PTPN4: variants seen among roughly 807,000 people sequenced by gnomAD.
PTPN4 encodes protein tyrosine phosphatase non-receptor type 4, also known as tyrosine-protein phosphatase non-receptor type 4.
In PTPN4, 49 loss-of-function variants were observed where a neutral mutation model predicts 135.5. The observed-to-expected ratio is 0.36, with a 90% confidence interval of 0.29 to 0.46. PTPN4 has a LOEUF of 0.46. Among genes scored for constraint, PTPN4 ranks in the 20% least tolerant of loss-of-function variants. The pLI, the probability that PTPN4 is intolerant of heterozygous loss-of-function variation, is 1.00. For synonymous variants in PTPN4, 333 were observed against 369.9 expected, an observed-to-expected ratio of 0.90 and a Z score of 1.14; for missense variants, 860 against 1,101.0, an observed-to-expected ratio of 0.78 and a Z score of 3.10.
chr2:119,762,571 G>A (rs1431922570), intron 1 of PTPN4, among the ~76,000 whole-genome samples: 2 of 151,998 alleles, frequency 1.3e-5, no homozygotes, highest in African/African-American at 4.8e-5. Context: ...ATTGCAAGGA[G>A]GTTTGTTATT....
In PTPN4 at chr2:119,935,797, A is replaced by G. The variant is rs143944984; in HGVS notation, c.1355+839A>G. 7.3e-3 allele frequency among the ~76,000 whole-genome samples: 1,119 copies of G among 152,296 alleles called. 13 individuals carry two copies. Among genetic ancestry groups the G allele is most frequent in the African/African-American group, 0.025 (1,056 of 41,564 alleles). On this transcript the variant is annotated intron_variant, in intron 15 of 26. Transcript: ENST00000263708. ...TTTGAAAACTTTAAAAAGTATAGTA[A>G]TTAAGGACATGATTGAAATATTGAT... is the stretch of plus-strand genomic sequence containing the variant.
intron 26 of PTPN4, among the ~76,000 whole-genome samples, chr2:119,976,142 C>T (rs1679614047): frequency 1.3e-5 from 2 of 151,526 alleles, no homozygotes; most frequent in Admixed American, 1.3e-4. Flanking sequence ...ACTACAGGCA[C>T]CCACTACCAC....
chr2:119,877,644 G>A, intron 5 of PTPN4, 102 bp downstream of exon 5: 1 of 1,381,224 alleles, frequency 7.2e-7, no homozygotes, highest in Non-Finnish European at 9.7e-7. Context: ...GTAATTCTGA[G>A]CTTTCCAGTC....
intron 2 of PTPN4, among the ~76,000 whole-genome samples, chr2:119,851,333 C>G (rs1677587960): frequency 2.0e-5 from 3 of 152,062 alleles, no homozygotes; most frequent in African/African-American, 7.2e-5. Context: ...GAGACTGAGG[C>G]AAGTTTCAGC....
intron 13 of PTPN4, among the ~76,000 whole-genome samples, chr2:119,929,952 A>G (rs569532951): frequency 3.3e-5 from 5 of 152,150 alleles, no homozygotes; most frequent in Non-Finnish European, 7.4e-5. Context: ...GTAGTTTAAT[A>G]TTTGAGGAAA....
rs1189148345 is a variant in PTPN4, at chr2:119,984,185, G to A, written c.*7115G>A. On this transcript the variant is annotated 3_prime_UTR_variant, in exon 27 of 27. Transcript: ENST00000263708. ...GAAAAGCTACTCCTTATTCTCTACA[G>A]TGTAGGCTTAATTTTAGAACCGATA... is the stretch of plus-strand genomic sequence containing the variant. 6.6e-6 allele frequency among the ~76,000 whole-genome samples: 1 copy of A among 152,140 alleles called. No homozygotes were observed. The highest frequency in any genetic ancestry group is 1.5e-5 in the Non-Finnish European group (1 of 68,032).
intron 10 of PTPN4, among the ~76,000 whole-genome samples, chr2:119,903,239 C>A (rs920400757): frequency 2.0e-5 from 3 of 152,054 alleles, no homozygotes; most frequent in African/African-American, 7.2e-5. Context: ...TCACATCCTC[C>A]GGCAGCAAGA....
chr2:119,846,894 C>T (rs778908946), intron 2 of PTPN4, among the ~76,000 whole-genome samples: 2 of 151,264 alleles, frequency 1.3e-5, no homozygotes, highest in Non-Finnish European at 1.5e-5. Context: ...TCCTCTTTCC[C>T]CTTCTTGTGC....
intron 11 of PTPN4, chr2:119,916,549 G>A (rs890725995): frequency 1.2e-4 from 18 of 151,960 alleles, no homozygotes; most frequent in African/African-American, 3.9e-4. Context: ...ACTTGATGAA[G>A]TGAACATATC....
At chr2:119,769,633 A>G (rs1362438569) in intron 1 of PTPN4, among the ~76,000 whole-genome samples, 1 of 152,252 alleles carries the variant, frequency 6.6e-6, no homozygotes, top group African/African-American at 2.4e-5. Context: ...CATAGAGGTA[A>G]AAGATCTCAG....
At chr2:119,813,851 C>G (rs1024504841) in intron 2 of PTPN4, among the ~76,000 whole-genome samples, 7 of 152,140 alleles carry the variant, frequency 4.6e-5, no homozygotes, top group Non-Finnish European at 7.4e-5. Flanking sequence ...TTCCTACTTT[C>G]ATAGATACCC....
intron 15 of PTPN4, among the ~76,000 whole-genome samples, chr2:119,942,802 A>G (rs1459315704): frequency 6.6e-6 from 1 of 152,162 alleles, no homozygotes; most frequent in Non-Finnish European, 1.5e-5. Flanking sequence ...TGGTTGAGTT[A>G]CATATCTCTA....
chr2:119,984,737 TA>T lies in PTPN4; in HGVS notation c.*7668del, dbSNP rs1332451168. ...ATGCTGGTTTGCATTAATACTGTTT[TA>T]GTCTTAAGAGCAATTTATATTATGT... is the stretch of plus-strand genomic sequence containing the variant. On this transcript the variant is annotated 3_prime_UTR_variant, in exon 27 of 27. Transcript: ENST00000263708. Among the ~76,000 whole-genome samples, 2 of 152,224 alleles carry T rather than the reference TA, an allele frequency of 1.3e-5. No individual in the cohort carries two copies. Among genetic ancestry groups the T allele is most frequent in the Non-Finnish European group, 2.9e-5 (2 of 68,036 alleles).
intron 2 of PTPN4, among the ~76,000 whole-genome samples, chr2:119,857,696 A>AT (rs1275087337): frequency 2.0e-5 from 3 of 151,888 alleles, no homozygotes; most frequent in African/African-American, 7.3e-5. Context: ...GTTGGTGATA[A>AT]TTTCCTTAAA....
chr2:119,804,631 A>G (rs1484422289), intron 1 of PTPN4, among the ~76,000 whole-genome samples: 1 of 152,224 alleles, frequency 6.6e-6, no homozygotes, highest in Non-Finnish European at 1.5e-5. Flanking sequence ...ATGGCTGCAT[A>G]GTATTCCATG....
At chr2:119,969,178 A>T (rs1679490506) in intron 26 of PTPN4, among the ~76,000 whole-genome samples, 1 of 151,460 alleles carries the variant, frequency 6.6e-6, no homozygotes, top group African/African-American at 2.4e-5. Flanking sequence ...CATTGGGCTA[A>T]TTTTTTTTAT....
chr2:119,849,891 T>G (rs1001048145), intron 2 of PTPN4, among the ~76,000 whole-genome samples: 3 of 152,202 alleles, frequency 2.0e-5, no homozygotes, highest in Admixed American at 6.5e-5. Flanking sequence ...ATTTCTACAT[T>G]TTTTTCATCA....
chr2:119,825,909 T>C (rs1351821540), intron 2 of PTPN4, among the ~76,000 whole-genome samples: 1 of 152,192 alleles, frequency 6.6e-6, no homozygotes, highest in Non-Finnish European at 1.5e-5. Flanking sequence ...TGACACAAAT[T>C]TAAAAATTAA....
At chr2:119,963,503 A>G (rs936794251) in intron 24 of PTPN4, among the ~76,000 whole-genome samples, 1 of 152,204 alleles carries the variant, frequency 6.6e-6, no homozygotes, top group East Asian at 1.9e-4. Flanking sequence ...ATGAGTGCCC[A>G]GGACTATCCC....
Sources: allele counts gnomAD v4.1 joint callset (sites outside exome capture counted in the v4.1 genomes callset), GRCh38; gene constraint gnomAD v4.1.1; transcripts MANE v1.5; gene names NCBI Gene and HGNC (gene_info 2026-07-23, HGNC 2026-07-21).